ANKS1B: variants seen among roughly 807,000 people sequenced by gnomAD.
ANKS1B encodes the protein ankyrin repeat and sterile alpha motif domain-containing protein 1B.
A neutral mutation model predicts 148.3 loss-of-function variants in ANKS1B; 36 were observed. The observed-to-expected ratio is 0.24, with a 90% CI of 0.19 to 0.32. The LOEUF (loss-of-function observed/expected upper bound fraction) is 0.32. Among genes scored for constraint, ANKS1B ranks in the 10% least tolerant of loss-of-function variants. The probability of loss-of-function intolerance (pLI) is 1.00; values close to 1 mark genes in which losing one functional copy is unlikely to be tolerated. For synonymous variants in ANKS1B, 542 were observed against 560.8 expected, an observed-to-expected ratio of 0.97 and a Z score of 0.47; for missense variants, 1,157 against 1,542.6, an observed-to-expected ratio of 0.75 and a Z score of 4.19.
chr12:99,040,966 G>A (rs974651786), intron 17 of ANKS1B, among the ~76,000 whole-genome samples: 6 of 152,168 alleles, frequency 3.9e-5, no homozygotes, highest in Admixed American at 3.9e-4. Flanking sequence ...AGCACCTCTT[G>A]TTCACTGAGC....
intron 17 of ANKS1B, among the ~76,000 whole-genome samples, chr12:99,045,396 T>C (rs573505300): frequency 1.3e-5 from 2 of 152,336 alleles, no homozygotes; most frequent in East Asian, 3.9e-4. Context: ...GTGTGTCTGC[T>C]GCTGGTCCCT....
Position 99,504,536 on chromosome 12 carries a change from T to C in ANKS1B, c.1378A>G (p.Thr460Ala). ...GAGCAAGGTTTCTTTGTAACAGCTG[T>C]GTCCATGAGATCACACAGAAAGTTC... ...NENFLCDLMD[T>A]AVTKKPCSLE... The change falls in exon 10 of 27, where the codon ACA becomes GCA. Residue 460 changes from threonine (T) to alanine (A), a missense_variant. Coordinates refer to ENST00000683438, the MANE Select transcript of ANKS1B (RefSeq NM_001352186.2). The C allele has an allele frequency of 3.1e-6, 5 of 1,612,880 alleles. No homozygotes were observed. The highest frequency in any genetic ancestry group is 4.2e-6 in the Non-Finnish European group (5 of 1,179,472).
intron 9 of ANKS1B, among the ~76,000 whole-genome samples, chr12:99,616,193 A>T (rs2097958230): frequency 6.6e-6 from 1 of 152,218 alleles, no homozygotes; most frequent in Non-Finnish European, 1.5e-5. Context: ...AAGAATCAAT[A>T]TCGTGAAAAT....
At chr12:98,852,894 C>T (rs1206243610) in intron 17 of ANKS1B, among the ~76,000 whole-genome samples, 1 of 152,100 alleles carries the variant, frequency 6.6e-6, no homozygotes, top group Non-Finnish European at 1.5e-5. Flanking sequence ...TCTGCTTCAT[C>T]GATACTCCAA....
At chr12:98,785,625 A>G (rs1227835537) in intron 22 of ANKS1B, among the ~76,000 whole-genome samples, 1 of 152,212 alleles carries the variant, frequency 6.6e-6, no homozygotes, top group African/African-American at 2.4e-5. Context: ...CTTCAGTCCA[A>G]TCACAGGCAG....
intron 12 of ANKS1B, among the ~76,000 whole-genome samples, chr12:99,391,172 T>C (rs557812791): frequency 6.6e-6 from 1 of 152,338 alleles, no homozygotes; most frequent in South Asian, 2.1e-4. Flanking sequence ...CCCTCTTTTG[T>C]TACTCTCCAA....
intron 1 of ANKS1B, among the ~76,000 whole-genome samples, chr12:99,845,222 T>A (rs2086449537): frequency 6.6e-6 from 1 of 152,220 alleles, no homozygotes; most frequent in Admixed American, 6.5e-5. Flanking sequence ...TACCTTTATT[T>A]CTTTCTTTTG....
chr12:99,826,289 C>T lies in ANKS1B; in HGVS notation c.135-900G>A, dbSNP rs139483929. Reference sequence around the variant, plus strand: ...AACATAGTGTAATGGAAAAGATAGACACACAAGCTAATAATTACAAAGTGG... The same window carrying T: ...AACATAGTGTAATGGAAAAGATAGATACACAAGCTAATAATTACAAAGTGG... On this transcript the variant is annotated intron_variant, in intron 1 of 26. Transcript: ENST00000683438. 1.1e-4 allele frequency among the ~76,000 whole-genome samples: 17 copies of T among 152,226 alleles called. No individual in the cohort carries two copies. In the East Asian group the frequency reaches 3.1e-3, roughly 28 times the overall value.
chr12:99,454,947 A>C (rs1343974958), intron 10 of ANKS1B, among the ~76,000 whole-genome samples: 1 of 152,206 alleles, frequency 6.6e-6, no homozygotes, highest in Non-Finnish European at 1.5e-5. Context: ...CAATGAAGAA[A>C]GTAAAAAAGA....
At chr12:98,873,342 G>A (rs1211212915) in intron 17 of ANKS1B, among the ~76,000 whole-genome samples, 3 of 152,120 alleles carry the variant, frequency 2.0e-5, no homozygotes, top group African/African-American at 4.8e-5. Flanking sequence ...AGACTTACTC[G>A]TTAAGTGTTT....
chr12:99,631,151 T>C (rs1214461310), intron 9 of ANKS1B, among the ~76,000 whole-genome samples: 6 of 152,102 alleles, frequency 3.9e-5, no homozygotes, highest in Admixed American at 3.9e-4. Context: ...CCTTTATAAA[T>C]TACCCAGTCT....
intron 11 of ANKS1B, among the ~76,000 whole-genome samples, chr12:99,410,816 A>T (rs952806844): frequency 1.3e-5 from 2 of 152,220 alleles, no homozygotes; most frequent in Non-Finnish European, 2.9e-5. Context: ...GCAGGTACAA[A>T]AACTTTTTTC....
At chr12:99,453,974 A>C (rs1287623001) in intron 10 of ANKS1B, among the ~76,000 whole-genome samples, 1 of 152,222 alleles carries the variant, frequency 6.6e-6, no homozygotes, top group African/African-American at 2.4e-5. Flanking sequence ...AAGAAAAAAA[A>C]TGTAATAGCC....
At chr12:99,590,111 T>G (rs2097685200) in intron 9 of ANKS1B, among the ~76,000 whole-genome samples, 1 of 152,120 alleles carries the variant, frequency 6.6e-6, no homozygotes, top group Non-Finnish European at 1.5e-5. Flanking sequence ...AAGTACAGTA[T>G]GTATTTATTT....
At chr12:99,824,333 C>T (rs2082885751) in intron 2 of ANKS1B, among the ~76,000 whole-genome samples, 1 of 151,820 alleles carries the variant, frequency 6.6e-6, no homozygotes, top group Non-Finnish European at 1.5e-5. Context: ...AACCCCGTCT[C>T]TACTAAAAAT....
chr12:99,184,583 C>G (rs1313733534), intron 14 of ANKS1B, among the ~76,000 whole-genome samples: 1 of 152,150 alleles, frequency 6.6e-6, no homozygotes, highest in Non-Finnish European at 1.5e-5. Context: ...CCTGTTTTGT[C>G]TATTTCAAAA....
chr12:98,882,862 A>C (rs1176304782), intron 17 of ANKS1B, among the ~76,000 whole-genome samples: 1 of 152,186 alleles, frequency 6.6e-6, no homozygotes, highest in Non-Finnish European at 1.5e-5. Flanking sequence ...ACAGCTAACG[A>C]TTTTAGATGC....
chr12:99,133,850 T>G (rs2067006250), intron 15 of ANKS1B, among the ~76,000 whole-genome samples: 1 of 150,310 alleles, frequency 6.7e-6, no homozygotes, highest in Non-Finnish European at 1.5e-5. Flanking sequence ...CCTGAACTTG[T>G]TGTTCCAAAG....
chr12:99,855,000 C>A (rs1230439344), intron 1 of ANKS1B, among the ~76,000 whole-genome samples: 3 of 151,252 alleles, frequency 2.0e-5, no homozygotes, highest in African/African-American at 4.9e-5. Context: ...GAAAAAAAAA[C>A]CCAGGTATTC....
Sources: allele counts gnomAD v4.1 joint callset (sites outside exome capture counted in the v4.1 genomes callset), GRCh38; gene constraint gnomAD v4.1.1; transcripts MANE v1.5; gene names NCBI Gene and HGNC (gene_info 2026-07-23, HGNC 2026-07-21).